ENTPD7: variants seen among roughly 807,000 people sequenced by gnomAD.
The protein encoded by ENTPD7 is NTPDase 7.
A neutral mutation model predicts 77.9 loss-of-function variants in ENTPD7; 53 were observed. The observed-to-expected ratio is 0.68, with a 90% CI of 0.55 to 0.85. The LOEUF is 0.85. Among genes scored for constraint, ENTPD7 ranks in the 40% least tolerant of loss-of-function variants. ENTPD7 has a pLI of 0.00. For synonymous variants in ENTPD7, 248 were observed against 274.9 expected (o/e 0.90, Z 0.97); for missense variants, 636 against 743.7 (o/e 0.86, Z 1.68).
intron 3 of ENTPD7, among the ~76,000 whole-genome samples, chr10:99,666,882 A>C (rs897821987): frequency 6.6e-6 from 1 of 152,254 alleles, no homozygotes; most frequent in Admixed American, 6.5e-5. Context: ...CTGAATGTGC[A>C]TCACTTTTGC....
intron 8 of ENTPD7, among the ~76,000 whole-genome samples, chr10:99,693,585 A>G (rs1321197416): frequency 2.6e-5 from 4 of 152,342 alleles, no homozygotes; most frequent in African/African-American, 9.6e-5. Flanking sequence ...GGAAAGCAAC[A>G]CTGGTACGGA....
At chr10:99,681,032 A>G (rs2035746955) in intron 5 of ENTPD7, among the ~76,000 whole-genome samples, 1 of 152,156 alleles carries the variant, frequency 6.6e-6, no homozygotes, top group South Asian at 2.1e-4. Flanking sequence ...CTTGTCACAT[A>G]TTGCAGAATG....
In ENTPD7 at chr10:99,710,986, G is replaced by T; in HGVS notation, c.*6303G>T. 1.0e-6 allele frequency: 1 copy of T among 984,966 alleles called. No homozygotes were observed. Among genetic ancestry groups the T allele is most frequent in the Non-Finnish European group, 1.2e-6 (1 of 829,708 alleles). The allele number at this position is 984,966 out of a possible 1,614,324, so 61.0% of individuals were successfully genotyped here. A position where few individuals can be genotyped will look rare whatever the true frequency, so the allele number is the denominator to read the frequency against. ...TAATCCTATAGGTATGTGATGACTT[G>T]TTTTTTTGGAAAAAGGTATTTGGAA... On this transcript the variant is annotated 3_prime_UTR_variant, in exon 13 of 13. Coordinates refer to ENST00000370489, the MANE Select transcript of ENTPD7 (RefSeq NM_020354.5).
intron 11 of ENTPD7, 29 bp downstream of exon 11, chr10:99,701,087 G>A: frequency 6.4e-7 from 1 of 1,565,784 alleles, no homozygotes; most frequent in Non-Finnish European, 8.8e-7. Flanking sequence ...CTCCTTAGAT[G>A]TGGACTTAAA....
At chr10:99,667,321 T>C (rs2035562324) in intron 3 of ENTPD7, among the ~76,000 whole-genome samples, 1 of 152,250 alleles carries the variant, frequency 6.6e-6, no homozygotes, top group Admixed American at 6.5e-5. Context: ...GCTGTGTCGA[T>C]GACTCTATGA....
chr10:99,703,363 C>T (rs967202021), intron 12 of ENTPD7, among the ~76,000 whole-genome samples: 1 of 152,202 alleles, frequency 6.6e-6, no homozygotes, highest in Non-Finnish European at 1.5e-5. Flanking sequence ...GGGAAGTGGG[C>T]TAGGTGGGGG....
At chr10:99,663,946 G>A (rs2133437660) in intron 3 of ENTPD7, among the ~76,000 whole-genome samples, 1 of 152,140 alleles carries the variant, frequency 6.6e-6, no homozygotes, top group South Asian at 2.1e-4. Context: ...ACAGCTCACT[G>A]ATGTTCATTT....
Position 99,660,559 on chromosome 10 carries a change from CACAG to C in ENTPD7, c.8+597_8+600del, listed in dbSNP as rs1416265699. On this transcript the variant is annotated intron_variant, in intron 2 of 12. Coordinates refer to ENST00000370489, the MANE Select transcript of ENTPD7 (RefSeq NM_020354.5). ...ACACACACACACACACACACACACA[CACAG>C]AGATATATTACTGTAAATATATTGG... 10 of 267,268 alleles carry C rather than the reference CACAG, an allele frequency of 3.7e-5. No individual in the cohort carries two copies. In the East Asian group the frequency reaches 7.7e-4, roughly 20 times the overall value. 16.6% of individuals were successfully genotyped at this position (267,268 alleles called of 1,614,324 possible).
Position 99,711,041 on chromosome 10 carries a change from C to T in ENTPD7, c.*6358C>T, listed in dbSNP as rs2036366530. The stretch of plus-strand genomic sequence containing the variant: ...AATCTGTAATTATCCATTTTCCATT[C>T]ATGCATTCACTAATTCAATATTTGA... On this transcript the variant is annotated 3_prime_UTR_variant, in exon 13 of 13. Transcript: ENST00000370489. The T allele has an allele frequency of 1.0e-6, 1 of 985,074 alleles. No homozygotes were observed. The highest frequency in any genetic ancestry group is 1.7e-5 in the African/African-American group (1 of 57,190). 61.0% of individuals were successfully genotyped at this position (985,074 alleles called of 1,614,324 possible).
In ENTPD7 at chr10:99,709,881, T is replaced by C. The variant is rs1452029388; in HGVS notation, c.*5198T>C. 1 of 985,350 alleles carries C rather than the reference T, an allele frequency of 1.0e-6. No individual in the cohort carries two copies. The highest frequency in any genetic ancestry group is 1.1e-4 in the East Asian group (1 of 8,836). 61.0% of individuals were successfully genotyped at this position (985,350 alleles called of 1,614,324 possible). On this transcript the variant is annotated 3_prime_UTR_variant, in exon 13 of 13. Transcript: ENST00000370489. ...AATAACACACCAGTTGACCATTTTG[T>C]TTCTCTGAAAATCTGAGCAATACGG...
In ENTPD7 at chr10:99,709,107, A is replaced by T. The variant is rs2036309258; in HGVS notation, c.*4424A>T. 1 of 982,112 alleles carries T rather than the reference A, an allele frequency of 1.0e-6. No homozygotes were observed. The highest frequency in any genetic ancestry group is 1.2e-6 in the Non-Finnish European group (1 of 827,054). The allele number at this position is 982,112 out of a possible 1,614,324, so 60.8% of individuals were successfully genotyped here. A position where few individuals can be genotyped will look rare whatever the true frequency, so the allele number is the denominator to read the frequency against. On this transcript the variant is annotated 3_prime_UTR_variant, in exon 13 of 13. Coordinates refer to ENST00000370489, the MANE Select transcript of ENTPD7 (RefSeq NM_020354.5). Reference sequence around the variant, plus strand: ...ACATCTTTTTAAAACAATTTTATACAATTTCCTTTACTACAACATCCAAGC... The same window carrying T: ...ACATCTTTTTAAAACAATTTTATACTATTTCCTTTACTACAACATCCAAGC...
At position 99,698,689 on chromosome 10, in the gene ENTPD7, T is replaced by G. The variant is rs2036039872; in HGVS notation, c.1166T>G (p.Leu389Arg). 1 of 1,614,074 alleles carries G rather than the reference T, an allele frequency of 6.2e-7. No individual in the cohort carries two copies. Among genetic ancestry groups the G allele is most frequent in the Admixed American group, 1.7e-5 (1 of 60,004 alleles). Residue 389 changes from leucine (L) to arginine (R), a missense_variant, in exon 10 of 13, where the codon CTG becomes CGG. This residue lies in a region of ENTPD7 where 486 missense variants were observed against 556.5 expected (regional missense o/e 0.87). Transcript: ENST00000370489. ...WVSCGAMLSP[L>R]LARSNTSQAS... ...TCTTGTGGGGCAATGCTGAGCCCCC[T>G]GCTGGCTCGCTCCAACACCAGCCAG... is the stretch of plus-strand genomic sequence containing the variant.
At chr10:99,661,681 T>C in intron 3 of ENTPD7, 53 bp downstream of exon 3, 1 of 1,470,974 alleles carries the variant, frequency 6.8e-7, no homozygotes, top group Non-Finnish European at 9.2e-7. Flanking sequence ...TCATAAGCTG[T>C]TTAACACACT....
intron 5 of ENTPD7, among the ~76,000 whole-genome samples, chr10:99,684,244 G>T (rs2035786015): frequency 6.6e-6 from 1 of 152,070 alleles, no homozygotes; most frequent in Non-Finnish European, 1.5e-5. Context: ...TAGAGATGGG[G>T]TTTCACCATA....
In ENTPD7 at chr10:99,710,972, G is replaced by C; in HGVS notation, c.*6289G>C. On this transcript the variant is annotated 3_prime_UTR_variant, in exon 13 of 13. Coordinates refer to ENST00000370489, the MANE Select transcript of ENTPD7 (RefSeq NM_020354.5). The stretch of plus-strand genomic sequence containing the variant: ...AAGGGAAATCTATTTAATCCTATAG[G>C]TATGTGATGACTTGTTTTTTTGGAA... The C allele has an allele frequency of 2.0e-6, 2 of 985,162 alleles. No individual in the cohort carries two copies. The highest frequency in any genetic ancestry group is 2.4e-6 in the Non-Finnish European group (2 of 829,768). The allele number at this position is 985,162 out of a possible 1,614,324, so 61.0% of individuals were successfully genotyped here.
chr10:99,686,080 G>C (rs2035807891), intron 6 of ENTPD7, among the ~76,000 whole-genome samples, 185 bp downstream of exon 6: 1 of 152,078 alleles, frequency 6.6e-6, no homozygotes, highest in Non-Finnish European at 1.5e-5. Context: ...TTAGAATGCT[G>C]GTTCTGGAAG....
Position 99,661,478 on chromosome 10 carries a change from G to T in ENTPD7, c.41G>T (p.Trp14Leu), listed in dbSNP as rs759820848. 1 of 1,609,632 alleles carries T rather than the reference G, an allele frequency of 6.2e-7. No individual in the cohort carries two copies. The highest frequency in any genetic ancestry group is 1.1e-5 in the South Asian group (1 of 90,022). The change falls in exon 3 of 13, where the codon TGG becomes TTG. Residue 14 changes from tryptophan (W) to leucine (L), a missense_variant. Physicochemically the swap from Trp to Leu is moderately conservative, Grantham distance 61 (BLOSUM62 -2). This residue lies in a region of ENTPD7 where 486 missense variants were observed against 556.5 expected (regional missense o/e 0.87). Transcript: ENST00000370489. The part of the protein sequence containing the change: ...ISFSYLCPAS[W>L]YFTVPTVSPF... Reference sequence around the variant, plus strand: ...TTTTCCTACCTCTGCCCAGCCTCCTGGTACTTCACTGTGCCCACAGTGAGT... The same window carrying T: ...TTTTCCTACCTCTGCCCAGCCTCCTTGTACTTCACTGTGCCCACAGTGAGT...
intron 3 of ENTPD7, among the ~76,000 whole-genome samples, chr10:99,669,995 C>T (rs1003973745): frequency 2.6e-5 from 4 of 151,886 alleles, no homozygotes; most frequent in Admixed American, 6.6e-5. Context: ...ATGATCCACC[C>T]GCCTCGGCCT....
At chr10:99,701,256 A>G (rs2036116722) in intron 11 of ENTPD7, among the ~76,000 whole-genome samples, 198 bp downstream of exon 11, 1 of 151,684 alleles carries the variant, frequency 6.6e-6, no homozygotes, top group Non-Finnish European at 1.5e-5. Flanking sequence ...GTTACCAAAC[A>G]GAGTTCTCAA....
Sources: gnomAD v4.1 joint callset for allele counts (sites outside exome capture counted in the v4.1 genomes callset) on GRCh38, gnomAD v4.1.1 for gene constraint, gnomAD v4.1.1 regional missense constraint, MANE v1.5 for transcripts, NCBI Gene and HGNC (gene_info 2026-07-23, HGNC 2026-07-21) for gene names.